Variants in ABTB3 observed in about 807,000 individuals in gnomAD.
ABTB3 encodes the protein ankyrin repeat- and BTB/POZ domain-containing protein 3.
the ABTB3 span, among the ~76,000 whole-genome samples, chr12:107,557,047 C>G: frequency 6.6e-6 from 1 of 152,050 alleles, no homozygotes; most frequent in Non-Finnish European, 1.5e-5. Context: ...TCAAATCACT[C>G]CATCCGATTG....
the ABTB3 span, among the ~76,000 whole-genome samples, chr12:107,627,611 C>G: frequency 6.6e-6 from 1 of 152,162 alleles, no homozygotes; most frequent in African/African-American, 2.4e-5. Context: ...GCTTCATCCC[C>G]CTTAAGGGCA....
At chr12:107,625,830 A>G in the ABTB3 span, among the ~76,000 whole-genome samples, 1 of 152,120 alleles carries the variant, frequency 6.6e-6, no homozygotes, top group Non-Finnish European at 1.5e-5. Flanking sequence ...TTGACCTTCG[A>G]TGACACCATC....
chr12:107,320,636 G>A, the ABTB3 span: 3 of 456,118 alleles, frequency 6.6e-6, no homozygotes, highest in Non-Finnish European at 8.8e-6. Context: ...AGTCGTAAAG[G>A]TGTGTGTGGT....
At chr12:107,319,454 TG>T in the ABTB3 span, 1 of 1,607,344 alleles carries the variant, frequency 6.2e-7, no homozygotes, top group Non-Finnish European at 8.5e-7. Context: ...CGTGCTGTCC[TG>T]GGGCCTGGCC....
the ABTB3 span, among the ~76,000 whole-genome samples, chr12:107,614,155 A>G: frequency 6.6e-6 from 1 of 151,926 alleles, no homozygotes; most frequent in Non-Finnish European, 1.5e-5. Flanking sequence ...AGGTTACATG[A>G]CCCCAGGAGT....
At chr12:107,405,070 T>C in the ABTB3 span, among the ~76,000 whole-genome samples, 1 of 152,188 alleles carries the variant, frequency 6.6e-6, no homozygotes, top group South Asian at 2.1e-4. Flanking sequence ...AACATTCTGC[T>C]TTGGTGAGTA....
the ABTB3 span, among the ~76,000 whole-genome samples, chr12:107,378,973 T>A: frequency 6.6e-6 from 1 of 152,160 alleles, no homozygotes; most frequent in Non-Finnish European, 1.5e-5. Flanking sequence ...GAAGCCTGAT[T>A]TTTGCTCACA....
At chr12:107,428,637 T>C in the ABTB3 span, among the ~76,000 whole-genome samples, 1 of 152,260 alleles carries the variant, frequency 6.6e-6, no homozygotes, top group African/African-American at 2.4e-5. Context: ...ATTAGCTCTC[T>C]GCTCTTTCTC....
the ABTB3 span, chr12:107,640,295 C>T: frequency 6.9e-6 from 10 of 1,442,246 alleles, no homozygotes; most frequent in Admixed American, 3.9e-5. Context: ...ACCTTTTTTT[C>T]CCTTTCCTAT....
chr12:107,394,136 C>T, the ABTB3 span, among the ~76,000 whole-genome samples: 11 of 152,272 alleles, frequency 7.2e-5, no homozygotes, highest in South Asian at 2.3e-3. Flanking sequence ...TCAATCATCA[C>T]CCAAACAGGT....
At chr12:107,386,039 TC>T in the ABTB3 span, among the ~76,000 whole-genome samples, 1 of 150,762 alleles carries the variant, frequency 6.6e-6, no homozygotes. Context: ...CTGGGTTAGT[TC>T]CTCATCTGTG....
the ABTB3 span, among the ~76,000 whole-genome samples, chr12:107,428,399 G>C: frequency 6.6e-6 from 1 of 152,098 alleles, no homozygotes; most frequent in Non-Finnish European, 1.5e-5. Context: ...CGGGCCCCTG[G>C]AGCATGTTCA....
At chr12:107,323,379 T>C in the ABTB3 span, among the ~76,000 whole-genome samples, 1 of 152,196 alleles carries the variant, frequency 6.6e-6, no homozygotes, top group Non-Finnish European at 1.5e-5. Flanking sequence ...ACTAGTCACA[T>C]GGGACTGGAT....
the ABTB3 span, among the ~76,000 whole-genome samples, chr12:107,516,169 A>T: frequency 6.6e-6 from 1 of 151,978 alleles, no homozygotes; most frequent in African/African-American, 2.4e-5. Context: ...CCATTGACTA[A>T]TTTCCTGATT....
At chr12:107,424,536 C>T in the ABTB3 span, among the ~76,000 whole-genome samples, 3 of 152,312 alleles carry the variant, frequency 2.0e-5, no homozygotes, top group East Asian at 5.8e-4. Context: ...GGGTTTGAGC[C>T]CCAGCTCTGC....
the ABTB3 span, among the ~76,000 whole-genome samples, chr12:107,537,366 G>A: frequency 0.11 from 16,600 of 152,172 alleles, 1,305 homozygotes; most frequent in East Asian, 0.25. Flanking sequence ...CAGAAAGCTA[G>A]AAGAGAGGAT....
chr12:107,574,772 C>G, the ABTB3 span, among the ~76,000 whole-genome samples: 13 of 152,212 alleles, frequency 8.5e-5, no homozygotes, highest in Admixed American at 5.2e-4. Context: ...GCCCCAGACT[C>G]TCTGAATCAG....
chr12:107,538,499 C>T, the ABTB3 span, among the ~76,000 whole-genome samples: 1 of 152,186 alleles, frequency 6.6e-6, no homozygotes, highest in Admixed American at 6.5e-5. Flanking sequence ...CTGGGCTCCT[C>T]CAACTTTTCA....
At chr12:107,472,863 G>A in the ABTB3 span, among the ~76,000 whole-genome samples, 2 of 152,304 alleles carry the variant, frequency 1.3e-5, no homozygotes, top group East Asian at 1.9e-4. Context: ...GGGATGTTCA[G>A]TGGGATCATT....
Sources: gnomAD v4.1 joint callset for allele counts (sites outside exome capture counted in the v4.1 genomes callset) on GRCh38, gnomAD v4.1.1 for gene constraint, MANE v1.5 for transcripts, NCBI Gene and HGNC (gene_info 2026-07-23, HGNC 2026-07-21) for gene names.